The following RIMS2 variants were observed in gnomAD, a reference collection of about 807,000 sequenced individuals.
The protein encoded by RIMS2 is regulating synaptic membrane exocytosis 2.
RIMS2 carries 59 observed loss-of-function variants against 174.4 expected under a neutral mutation model. That is an observed-to-expected ratio of 0.34 (90% CI 0.27 to 0.42). RIMS2 has a LOEUF of 0.42. RIMS2 is among the 10% of genes least tolerant of loss of function. The pLI is 1.00. For synonymous variants in RIMS2, 606 were observed against 572.5 expected, an observed-to-expected ratio of 1.06 and a Z score of -0.84; for missense variants, 1,620 against 1,666.3, an observed-to-expected ratio of 0.97 and a Z score of 0.48.
chr8:103,791,999 A>G (rs2098503605), intron 3 of RIMS2, among the ~76,000 whole-genome samples: 1 of 152,084 alleles, frequency 6.6e-6, no homozygotes. Context: ...ACTGTCAACA[A>G]GAGACAGATC....
At chr8:103,746,586 G>A (rs1241821610) in intron 2 of RIMS2, among the ~76,000 whole-genome samples, 1 of 152,006 alleles carries the variant, frequency 6.6e-6, no homozygotes, top group African/African-American at 2.4e-5. Context: ...TTGTTTTCCT[G>A]ATCCTCTCCG....
intron 1 of RIMS2, among the ~76,000 whole-genome samples, chr8:103,693,881 G>A (rs574506780): frequency 6.2e-4 from 95 of 152,292 alleles, no homozygotes; most frequent in African/African-American, 2.2e-3. Flanking sequence ...CATTGAAGTT[G>A]GCCTTGAGCC....
intron 4 of RIMS2, among the ~76,000 whole-genome samples, chr8:103,907,723 T>G (rs2074750728): frequency 6.6e-6 from 1 of 151,520 alleles, no homozygotes; most frequent in African/African-American, 2.4e-5. Flanking sequence ...AATTTTTTGT[T>G]TTTTTTATTT....
intron 1 of RIMS2, among the ~76,000 whole-genome samples, chr8:103,536,768 A>G (rs535605902): frequency 1.6e-4 from 24 of 152,270 alleles, no homozygotes; most frequent in Non-Finnish European, 2.6e-4. Flanking sequence ...CTATGATCCA[A>G]TCACCTCCCA....
At chr8:103,783,692 A>G (rs2098414385) in intron 3 of RIMS2, among the ~76,000 whole-genome samples, 1 of 151,794 alleles carries the variant, frequency 6.6e-6, no homozygotes, top group Non-Finnish European at 1.5e-5. Context: ...GTTGGTTCCA[A>G]GTCTTTGCTA....
chr8:103,586,769 G>A (rs1588339997), intron 1 of RIMS2, among the ~76,000 whole-genome samples: 1 of 151,862 alleles, frequency 6.6e-6, no homozygotes, highest in Admixed American at 6.6e-5. Context: ...GAATTGAAAT[G>A]AAACAACACA....
intron 19 of RIMS2, among the ~76,000 whole-genome samples, chr8:104,100,800 ATATATAT>A (rs1455176715): frequency 7.0e-6 from 1 of 141,962 alleles, no homozygotes; most frequent in Non-Finnish European, 1.5e-5. Context: ...TTCCTGTTAT[ATATATAT>A]TATATATTAT....
chr8:104,245,676 G>T (rs1174250929), intron 20 of RIMS2, among the ~76,000 whole-genome samples: 7 of 152,166 alleles, frequency 4.6e-5, no homozygotes, highest in Non-Finnish European at 7.3e-5. Flanking sequence ...TAAAGATCTG[G>T]AAGTGGGGCT....
intron 19 of RIMS2, among the ~76,000 whole-genome samples, chr8:104,237,141 GT>G (rs1458356479): frequency 6.6e-6 from 1 of 152,008 alleles, no homozygotes; most frequent in Non-Finnish European, 1.5e-5. Flanking sequence ...CATGAAAACA[GT>G]TATAAAATAG....
Position 103,523,983 on chromosome 8 carries a change from C to T in RIMS2, c.176+22921C>T, listed in dbSNP as rs566216115. ...CTTCAAAACTAAGATGATTTTGCTA[C>T]CCAAAAAATGAATTGTAGTGTTTGT... On this transcript the variant is annotated intron_variant, in intron 1 of 23. Coordinates refer to ENST00000504942, the Ensembl canonical transcript of RIMS2. Among the ~76,000 whole-genome samples, 13 of 151,980 alleles carry T rather than the reference C, an allele frequency of 8.6e-5. No individual in the cohort carries two copies. In the East Asian group the frequency reaches 2.5e-3, roughly 29 times the overall value.
At chr8:103,739,523 TATA>T (rs1204402247) in intron 2 of RIMS2, among the ~76,000 whole-genome samples, 1 of 152,186 alleles carries the variant, frequency 6.6e-6, no homozygotes, top group Non-Finnish European at 1.5e-5. Context: ...GAACTTAAAG[TATA>T]ATATAAAACA....
chr8:103,684,501 T>C (rs978355654), intron 1 of RIMS2, among the ~76,000 whole-genome samples: 1 of 152,048 alleles, frequency 6.6e-6, no homozygotes, highest in African/African-American at 2.4e-5. Context: ...CACTCATTCA[T>C]TTATATATTG....
chr8:103,827,484 A>C (rs1018573239), intron 3 of RIMS2, among the ~76,000 whole-genome samples: 4 of 152,176 alleles, frequency 2.6e-5, no homozygotes, highest in African/African-American at 9.7e-5. Flanking sequence ...GCATAAAACC[A>C]ACAGTATGTC....
chr8:104,129,787 A>G (rs185521015), intron 19 of RIMS2, among the ~76,000 whole-genome samples: 59 of 152,356 alleles, frequency 3.9e-4, no homozygotes, highest in Non-Finnish European at 7.2e-4. Context: ...AATCTAGGTT[A>G]TAAGTGACTT....
At chr8:103,826,908 A>C (rs987175613) in intron 3 of RIMS2, among the ~76,000 whole-genome samples, 1 of 151,286 alleles carries the variant, frequency 6.6e-6, no homozygotes, top group Non-Finnish European at 1.5e-5. Context: ...GCTTCAGGCT[A>C]TCTGCTATAC....
intron 1 of RIMS2, among the ~76,000 whole-genome samples, chr8:103,671,827 C>T (rs746861261): frequency 1.3e-5 from 2 of 152,062 alleles, no homozygotes; most frequent in South Asian, 2.1e-4. Context: ...ATATTAATAA[C>T]GTATTCATGA....
intron 8 of RIMS2, among the ~76,000 whole-genome samples, chr8:103,917,129 C>T (rs2076762135): frequency 6.6e-6 from 1 of 152,110 alleles, no homozygotes. Flanking sequence ...AAGTGAATTA[C>T]ATTACATGCC....
At chr8:104,214,109 C>T (rs1343322299) in intron 19 of RIMS2, among the ~76,000 whole-genome samples, 1 of 152,082 alleles carries the variant, frequency 6.6e-6, no homozygotes, top group Non-Finnish European at 1.5e-5. Context: ...AGTTGCCAAG[C>T]AGAGGAATCC....
chr8:104,104,778 G>T (rs756987049), intron 19 of RIMS2, among the ~76,000 whole-genome samples: 1 of 151,846 alleles, frequency 6.6e-6, no homozygotes, highest in Non-Finnish European at 1.5e-5. Context: ...TACTTGGGAG[G>T]CTGAGATGGG....
Sources: gnomAD v4.1 joint callset for allele counts (sites outside exome capture counted in the v4.1 genomes callset) on GRCh38, gnomAD v4.1.1 for gene constraint, MANE v1.5 for transcripts, NCBI Gene and HGNC (gene_info 2026-07-23, HGNC 2026-07-21) for gene names.